NME9: variants seen among roughly 807,000 people sequenced by gnomAD.
The protein encoded by NME9 is NME/NM23 family member 9, also known as thioredoxin domain-containing protein 6.
In NME9, 48 loss-of-function variants were observed where a neutral mutation model predicts 44.4. The observed-to-expected ratio is 1.08, with a 90% CI of 0.86 to 1.37. The LOEUF (loss-of-function observed/expected upper bound fraction) is 1.37, where lower values mean the gene tolerates loss of function less well. NME9 is among the 40% of genes most tolerant of loss of function. The probability of loss-of-function intolerance (pLI) is 0.00; values close to 1 mark genes in which losing one functional copy is unlikely to be tolerated. For synonymous variants in NME9, 139 were observed against 147.1 expected (o/e 0.94, Z 0.40); for missense variants, 325 against 405.2 (o/e 0.80, Z 1.70).
At chr3:138,263,130 C>T (rs1008688663) in intron 8 of NME9, among the ~76,000 whole-genome samples, 4 of 152,220 alleles carry the variant, frequency 2.6e-5, no homozygotes, top group Non-Finnish European at 5.9e-5. Flanking sequence ...CCTTCACACA[C>T]TATTTATTTT....
chr3:138,263,591 C>G, intron 8 of NME9: 1 of 716,226 alleles, frequency 1.4e-6, no homozygotes, highest in East Asian at 2.6e-5. Context: ...GCTGCCCGCC[C>G]CCAGCGCAAG....
Position 138,306,016 on chromosome 3 carries a change from G to T in NME9, c.624C>A (p.His208Gln), listed in dbSNP as rs146905051. The change falls in exon 8 of 11, where the codon CAC (histidine) becomes CAA (glutamine). Residue 208 changes from histidine (H) to glutamine (Q), a missense_variant. Transcript: ENST00000333911. Reference protein sequence around the residue: ...TEAEVRLFYQHKAGEEAFEKL... With the variant: ...TEAEVRLFYQQKAGEEAFEKL... ...TAGATGAGCTGACCTCTCCAGCTTT[G>T]TGTTGGTAGAAAAGTCGCACTTCTG... 1 of 1,610,664 alleles carries T rather than the reference G, an allele frequency of 6.2e-7. No individual in the cohort carries two copies. Among genetic ancestry groups the T allele is most frequent in the Non-Finnish European group, 8.5e-7 (1 of 1,176,832 alleles).
At chr3:138,272,719 A>C (rs1352157074) in intron 8 of NME9, among the ~76,000 whole-genome samples, 1 of 152,154 alleles carries the variant, frequency 6.6e-6, no homozygotes, top group Non-Finnish European at 1.5e-5. Context: ...TACTAAAGAT[A>C]CAAAAATTAG....
rs974401114 is a variant in NME9 at position 138,262,319 on chromosome 3, A to G, written c.*221T>C. 6 of 543,846 alleles carry G rather than the reference A, an allele frequency of 1.1e-5. No homozygotes were observed. The African/African-American group carries it at 1.1e-4, about 10-fold the overall frequency. The allele number at this position is 543,846 out of a possible 1,614,324, so 33.7% of individuals were successfully genotyped here. A position where few individuals can be genotyped will look rare whatever the true frequency, so the allele number is the denominator to read the frequency against. Reference sequence around the variant, plus strand: ...ATGGAATTAGGTTTGGTCTAGGGCGAGGAGTAGATCAATATGTAAATGTTT... The same window carrying G: ...ATGGAATTAGGTTTGGTCTAGGGCGGGGAGTAGATCAATATGTAAATGTTT... On this transcript the variant is annotated 3_prime_UTR_variant, in exon 9 of 9. Coordinates refer to the NME9 transcript ENST00000317876.
chr3:138,295,745 T>C, intron 8 of NME9: 1 of 1,213,412 alleles, frequency 8.2e-7, no homozygotes, highest in Non-Finnish European at 1.2e-6. Flanking sequence ...TCACCCCAAT[T>C]CCCTCTGGAG....
rs765613359 is a variant in NME9, at chr3:138,303,564, G to C, written c.871C>G (p.Leu291Val). Residue 291 changes from leucine to valine, a missense_variant, in exon 10 of 11, where the codon CTG (leucine) becomes GTG (valine). By Grantham distance (32) the Leu-to-Val change is conservative. Coordinates refer to ENST00000333911, the MANE Select transcript of NME9 (RefSeq NM_001349018.2). ...TTCAAACTGGGGAAGAGCAATGCCA[G>C]TTCTCTGTCAGCATCTTCTCTGTCC... The part of the protein sequence containing the change: ...SRDREDADRE[L>V]ALLFPSLKFS... 2 of 1,613,470 alleles carry C rather than the reference G, an allele frequency of 1.2e-6. No homozygotes were observed. Among genetic ancestry groups the C allele is most frequent in the Non-Finnish European group, 1.7e-6 (2 of 1,179,362 alleles).
rs569337853 is a variant in NME9, at chr3:138,306,037, T to G, written c.603A>C (p.Glu201Asp). The part of the protein sequence containing the change: ...TNEERTMTEA[E>D]VRLFYQHKAG... ...CTTTGTGTTGGTAGAAAAGTCGCACTTCTGCCTCTGTCATGGTTCTCTCTT... is the reference window on the plus strand; with the variant it reads ...CTTTGTGTTGGTAGAAAAGTCGCACGTCTGCCTCTGTCATGGTTCTCTCTT... The change falls in exon 8 of 11, where the codon GAA (glutamate) becomes GAC (aspartate). Residue 201 changes from glutamate to aspartate, a missense_variant. By Grantham distance (45) the Glu-to-Asp change is conservative. Coordinates refer to ENST00000333911, the MANE Select transcript of NME9 (RefSeq NM_001349018.2). 1.2e-6 allele frequency: 2 copies of G among 1,613,844 alleles called. No homozygotes were observed. The highest frequency in any genetic ancestry group is 1.1e-5 in the South Asian group (1 of 91,080).
chr3:138,299,137 C>T (rs965900729), downstream of NME9, among the ~76,000 whole-genome samples: 2 of 152,172 alleles, frequency 1.3e-5, no homozygotes, highest in African/African-American at 4.8e-5. Flanking sequence ...CCATCCTGCC[C>T]CTTGCCTGTT....
intron 2 of NME9, among the ~76,000 whole-genome samples, chr3:138,322,841 G>T (rs1344959847): frequency 6.6e-6 from 1 of 152,148 alleles, no homozygotes; most frequent in Non-Finnish European, 1.5e-5. Context: ...TGCTTAGCAA[G>T]GTGGCTGGCA....
At chr3:138,292,544 C>T (rs527292844) in intron 8 of NME9, among the ~76,000 whole-genome samples, 34 of 152,270 alleles carry the variant, frequency 2.2e-4, no homozygotes, top group Admixed American at 7.2e-4. Context: ...CTCACAGATT[C>T]AGTACAGGAT....
chr3:138,324,302 G>A (rs1209308210), intron 2 of NME9: 2 of 363,888 alleles, frequency 5.5e-6, no homozygotes, highest in East Asian at 1.5e-4. Context: ...AACTACCGTG[G>A]TGAGACACTC....
intron 7 of NME9, 59 bp downstream of exon 7, chr3:138,306,339 G>T: frequency 1.5e-6 from 2 of 1,310,938 alleles, no homozygotes; most frequent in South Asian, 2.4e-5. Context: ...CCCCATCCCT[G>T]TTTATCCACA....
At chr3:138,282,914 T>G (rs1336659040) in intron 8 of NME9, among the ~76,000 whole-genome samples, 1 of 152,192 alleles carries the variant, frequency 6.6e-6, no homozygotes, top group Non-Finnish European at 1.5e-5. Flanking sequence ...AGAGTATTGT[T>G]CCTACCAAGA....
chr3:138,280,148 C>T (rs2049740382), intron 8 of NME9, among the ~76,000 whole-genome samples: 1 of 152,106 alleles, frequency 6.6e-6, no homozygotes, highest in Non-Finnish European at 1.5e-5. Context: ...AGCTGATCTG[C>T]CCACCTCGGC....
At chr3:138,265,740 A>G (rs535936237) in intron 8 of NME9, among the ~76,000 whole-genome samples, 45 of 152,146 alleles carry the variant, frequency 3.0e-4, no homozygotes, top group African/African-American at 1.0e-3. Context: ...GTGGGATATA[A>G]TGAGACATAC....
chr3:138,325,359 G>T (rs1378388823), intron 1 of NME9, among the ~76,000 whole-genome samples: 11 of 151,514 alleles, frequency 7.3e-5, no homozygotes, highest in African/African-American at 2.7e-4. Flanking sequence ...AATACAAGGA[G>T]AAATACATAT....
intron 8 of NME9, among the ~76,000 whole-genome samples, chr3:138,290,389 A>G (rs1303842242): frequency 6.6e-6 from 1 of 152,222 alleles, no homozygotes; most frequent in African/African-American, 2.4e-5. Context: ...GAGTCCAAGC[A>G]TGAGCGGGTC....
rs1365708029 is a variant in NME9, at chr3:138,329,366, C to T, written c.-31G>A. On this transcript the variant is annotated 5_prime_UTR_variant, in exon 1 of 11. Transcript: ENST00000333911. ...TGCAAAGAAGACGAAGCCCTGTTAC[C>T]GCGGCCGTGGGCCGTTCCCCCGCAG... is the stretch of plus-strand genomic sequence containing the variant. The T allele has an allele frequency of 7.2e-6, 11 of 1,535,932 alleles. No homozygotes were observed. Among genetic ancestry groups the T allele is most frequent in the African/African-American group, 4.1e-5 (3 of 73,052 alleles).
intron 8 of NME9, among the ~76,000 whole-genome samples, chr3:138,282,214 G>C (rs188582562): frequency 3.9e-5 from 6 of 152,270 alleles, no homozygotes; most frequent in Non-Finnish European, 7.4e-5. Flanking sequence ...TGGAAGGTGG[G>C]GTTGTTGTAA....
Sources: gnomAD v4.1 joint callset for allele counts (sites outside exome capture counted in the v4.1 genomes callset) on GRCh38, gnomAD v4.1.1 for gene constraint, MANE v1.5 for transcripts, NCBI Gene and HGNC (gene_info 2026-07-23, HGNC 2026-07-21) for gene names.